The following CSRNP3 variants were observed in gnomAD, a reference collection of about 807,000 sequenced individuals.
CSRNP3 encodes the protein cysteine/serine-rich nuclear protein 3.
Under a neutral mutation model 48.0 loss-of-function variants are expected in CSRNP3, and 12 were observed. The ratio of observed to expected loss-of-function variants is 0.25; its 90% CI spans 0.16 to 0.41. CSRNP3 has a LOEUF of 0.41. Among genes scored for constraint, CSRNP3 ranks in the 10% least tolerant of loss-of-function variants. The pLI is 1.00. For synonymous variants in CSRNP3, 263 were observed against 269.7 expected, an observed-to-expected ratio of 0.98 and a Z score of 0.24; for missense variants, 580 against 724.4, an observed-to-expected ratio of 0.80 and a Z score of 2.29.
chr2:165,658,903 G>A (rs1687052884), intron 5 of CSRNP3, among the ~76,000 whole-genome samples: 1 of 152,162 alleles, frequency 6.6e-6, no homozygotes, highest in African/African-American at 2.4e-5. Flanking sequence ...ATTTGGGTGA[G>A]GACACAGCCA....
rs1173275990 is a variant in CSRNP3, at chr2:165,671,412, A to G, written c.409-4900A>G. Among the ~76,000 whole-genome samples, 4 of 152,314 alleles carry G rather than the reference A, an allele frequency of 2.6e-5. No homozygotes were observed. In the South Asian group the frequency reaches 6.2e-4, roughly 24 times the overall value. ...TGGGAGGCCTCTCAACCATGGCAGA[A>G]GGTCAAAGGCATATCTTACAAAGGC... On this transcript the variant is annotated intron_variant, in intron 5 of 6. Coordinates refer to ENST00000651982, the MANE Select transcript of CSRNP3 (RefSeq NM_001172173.2).
chr2:165,586,665 A>T (rs1685638668), intron 3 of CSRNP3, among the ~76,000 whole-genome samples: 1 of 152,194 alleles, frequency 6.6e-6, no homozygotes, highest in South Asian at 2.1e-4. Flanking sequence ...CTTATGATAG[A>T]TAACAGAACA....
intron 3 of CSRNP3, among the ~76,000 whole-genome samples, chr2:165,542,804 G>A (rs1198413585): frequency 6.6e-6 from 1 of 152,038 alleles, no homozygotes; most frequent in Non-Finnish European, 1.5e-5. Flanking sequence ...AGTTATCATA[G>A]TATTCTCTCT....
rs1365641874 is a variant in CSRNP3, at chr2:165,681,348, A to T, written c.*1595A>T. ...CTATTCAGTGACTGCATCGCTACTTATTTTTTATGTCTTTTAGACTTGGGT... is the reference window on the plus strand; with the variant it reads ...CTATTCAGTGACTGCATCGCTACTTTTTTTTTATGTCTTTTAGACTTGGGT... On this transcript the variant is annotated 3_prime_UTR_variant, in exon 7 of 7. Coordinates refer to ENST00000651982, the MANE Select transcript of CSRNP3 (RefSeq NM_001172173.2). The T allele has an allele frequency of 6.6e-6, 1 of 151,932 alleles. No individual in the cohort carries two copies. The highest frequency in any genetic ancestry group is 2.4e-5 in the African/African-American group (1 of 41,340). The allele number at this position is 151,932 out of a possible 1,614,324, so 9.4% of individuals were successfully genotyped here.
intron 3 of CSRNP3, among the ~76,000 whole-genome samples, chr2:165,560,843 A>T (rs1166562118): frequency 6.6e-6 from 1 of 152,168 alleles, no homozygotes; most frequent in Non-Finnish European, 1.5e-5. Context: ...TGGCTTGCAG[A>T]TCTAATCTTT....
chr2:165,502,183 A>T (rs926918151), intron 2 of CSRNP3, among the ~76,000 whole-genome samples: 2 of 152,024 alleles, frequency 1.3e-5, no homozygotes, highest in African/African-American at 4.8e-5. Context: ...ATTATTATAT[A>T]ATCAACAAAA....
chr2:165,591,930 A>G (rs939308187), intron 3 of CSRNP3, among the ~76,000 whole-genome samples: 1 of 151,536 alleles, frequency 6.6e-6, no homozygotes, highest in African/African-American at 2.4e-5. Flanking sequence ...GCCTAGTGGA[A>G]CTGTGAGAAG....
chr2:165,486,277 C>T (rs1316641766), intron 1 of CSRNP3, among the ~76,000 whole-genome samples: 1 of 152,218 alleles, frequency 6.6e-6, no homozygotes, highest in Non-Finnish European at 1.5e-5. Flanking sequence ...TATCCCACAC[C>T]TGGCTCGGAG....
intron 3 of CSRNP3, among the ~76,000 whole-genome samples, chr2:165,557,628 CA>C (rs1432317565): frequency 6.6e-6 from 1 of 152,190 alleles, no homozygotes; most frequent in Non-Finnish European, 1.5e-5. Context: ...ATATATACCC[CA>C]CACTCTTAAG....
At chr2:165,570,479 T>C (rs7557669) in intron 3 of CSRNP3, among the ~76,000 whole-genome samples, 123,725 of 151,532 alleles carry the variant, frequency 0.82, 50,624 homozygotes, top group African/African-American at 0.83. Context: ...TCCCAATTTC[T>C]CAGCTCTTGT....
At chr2:165,588,352 G>A (rs773693272) in intron 3 of CSRNP3, among the ~76,000 whole-genome samples, 1 of 152,208 alleles carries the variant, frequency 6.6e-6, no homozygotes, top group Admixed American at 6.5e-5. Flanking sequence ...GCAATCTGAA[G>A]CTACTTAAGA....
intron 5 of CSRNP3, among the ~76,000 whole-genome samples, chr2:165,673,131 CTTTTTTTTT>C (rs3032370): frequency 1.5e-5 from 1 of 67,124 alleles, no homozygotes; most frequent in African/African-American, 5.9e-5. Flanking sequence ...GTATGTAGCT[CTTTTTTTTT>C]TTTTTTTTTT....
chr2:165,500,753 T>C (rs1037726601), intron 2 of CSRNP3, among the ~76,000 whole-genome samples: 6 of 152,094 alleles, frequency 3.9e-5, no homozygotes, highest in Admixed American at 1.3e-4. Context: ...CCACCGTGCC[T>C]GGCCATTATT....
chr2:165,523,601 C>T (rs1684692135), intron 3 of CSRNP3, among the ~76,000 whole-genome samples: 1 of 152,152 alleles, frequency 6.6e-6, no homozygotes, highest in Non-Finnish European at 1.5e-5. Context: ...TTGTTAACTA[C>T]ATTTTTCTTC....
At chr2:165,631,431 C>T (rs1269941685) in intron 4 of CSRNP3, among the ~76,000 whole-genome samples, 1 of 152,132 alleles carries the variant, frequency 6.6e-6, no homozygotes, top group South Asian at 2.1e-4. Flanking sequence ...ATACAAGTTG[C>T]CTGTCTTCTG....
chr2:165,673,149 T>TTTTTTTG (rs1687358532), intron 5 of CSRNP3, among the ~76,000 whole-genome samples: 1 of 143,170 alleles, frequency 7.0e-6, no homozygotes, highest in South Asian at 2.4e-4. Context: ...TTTTTTTTTT[T>TTTTTTTG]TTTTTTGAGA....
intron 4 of CSRNP3, among the ~76,000 whole-genome samples, chr2:165,612,127 A>G (rs770900784): frequency 6.6e-6 from 1 of 152,104 alleles, no homozygotes; most frequent in Non-Finnish European, 1.5e-5. Flanking sequence ...GCTTTTTGCT[A>G]TATACAAAGA....
chr2:165,640,531 G>A (rs1251649749), intron 4 of CSRNP3, among the ~76,000 whole-genome samples: 1 of 152,176 alleles, frequency 6.6e-6, no homozygotes, highest in African/African-American at 2.4e-5. Context: ...CAGGCCACTA[G>A]CAGTCTGGTA....
intron 3 of CSRNP3, among the ~76,000 whole-genome samples, chr2:165,544,106 A>G (rs954859680): frequency 6.6e-6 from 1 of 152,058 alleles, no homozygotes; most frequent in Non-Finnish European, 1.5e-5. Context: ...ATAAAATAAA[A>G]CTGGAACTAA....
Sources: gnomAD v4.1 joint callset for allele counts (sites outside exome capture counted in the v4.1 genomes callset) on GRCh38, gnomAD v4.1.1 for gene constraint, MANE v1.5 for transcripts, NCBI Gene and HGNC (gene_info 2026-07-23, HGNC 2026-07-21) for gene names.